The following MYO5B variants were observed in gnomAD, a reference collection of about 807,000 sequenced individuals.
MYO5B encodes the protein unconventional myosin-Vb.
Under a neutral mutation model 229.3 loss-of-function variants are expected in MYO5B, and 143 were observed. The ratio of observed to expected loss-of-function variants is 0.62; its 90% CI spans 0.54 to 0.72. MYO5B has a LOEUF of 0.72. Among genes scored for constraint, MYO5B ranks in the 30% least tolerant of loss-of-function variants. MYO5B has a pLI of 0.00. For missense variants in MYO5B, 2,321 were observed against 2,331.0 expected, an observed-to-expected ratio of 1.00 and a Z score of 0.09; for synonymous variants, 918 against 885.2, an observed-to-expected ratio of 1.04 and a Z score of -0.66.
intron 11 of MYO5B, among the ~76,000 whole-genome samples, 159 bp downstream of exon 11, chr18:49,962,790 A>G: frequency 6.6e-6 from 1 of 152,166 alleles, no homozygotes; most frequent in East Asian, 1.9e-4. Flanking sequence ...TGAGCAGTGG[A>G]GAGCCCCTTC....
intron 4 of MYO5B, among the ~76,000 whole-genome samples, chr18:50,023,892 G>A (rs941273865): frequency 3.3e-5 from 5 of 152,114 alleles, no homozygotes; most frequent in African/African-American, 1.2e-4. Flanking sequence ...CCTGTCCTAT[G>A]CTGTTTGACC....
intron 13 of MYO5B, 91 bp downstream of exon 13, chr18:49,954,222 A>G: frequency 1.3e-6 from 2 of 1,573,326 alleles, no homozygotes; most frequent in Non-Finnish European, 1.7e-6. Context: ...TTGAATTCAG[A>G]AGGGACAGAT....
intron 1 of MYO5B, among the ~76,000 whole-genome samples, chr18:50,133,872 G>C (rs1053072816): frequency 2.6e-5 from 4 of 152,138 alleles, no homozygotes; most frequent in Admixed American, 1.3e-4. Flanking sequence ...GGTGGGGGGA[G>C]TTATTTAAAC....
At chr18:50,028,965 A>C (rs1043405609) in intron 4 of MYO5B, among the ~76,000 whole-genome samples, 27 of 152,240 alleles carry the variant, frequency 1.8e-4, no homozygotes, top group African/African-American at 6.0e-4. Context: ...CAGGCAAAGG[A>C]AACTGCCTCT....
rs559769069 is a variant in MYO5B, at chr18:50,057,734, C to T, written c.28-2356G>A. ...TGTCCCATACCCACAAAACCTATCA[C>T]AACATAAGGGGCACAGTGGGACCCC... On this transcript the variant is annotated intron_variant, in intron 1 of 39. Coordinates refer to ENST00000285039, the MANE Select transcript of MYO5B (RefSeq NM_001080467.3). 4.6e-5 allele frequency among the ~76,000 whole-genome samples: 7 copies of T among 152,330 alleles called. No homozygotes were observed. In the East Asian group the frequency reaches 1.2e-3, roughly 25 times the overall value.
chr18:49,982,613 G>A (rs1370886394), intron 8 of MYO5B, among the ~76,000 whole-genome samples: 1 of 152,136 alleles, frequency 6.6e-6, no homozygotes, highest in Non-Finnish European at 1.5e-5. Flanking sequence ...ACAGGGGTTG[G>A]CAAACTATGG....
intron 12 of MYO5B, among the ~76,000 whole-genome samples, chr18:49,958,232 A>G (rs1375787708): frequency 6.6e-6 from 1 of 152,190 alleles, no homozygotes; most frequent in Non-Finnish European, 1.5e-5. Context: ...CACTCGGAGA[A>G]TCACTTCTAT....
intron 1 of MYO5B, among the ~76,000 whole-genome samples, chr18:50,091,701 G>A (rs567366478): frequency 6.6e-6 from 1 of 152,242 alleles, no homozygotes; most frequent in East Asian, 1.9e-4. Flanking sequence ...TGAGCCACCT[G>A]ACACCACCAC....
chr18:49,868,100 A>AATAT (rs72484394), intron 27 of MYO5B, among the ~76,000 whole-genome samples: 5 of 10,950 alleles, frequency 4.6e-4, no homozygotes, highest in African/African-American at 1.3e-3. Context: ...AAAAAAGCAG[A>AATAT]AAAATTATAT....
intron 34 of MYO5B, 65 bp from the exon 35 acceptor site, chr18:49,841,519 A>C: frequency 1.4e-6 from 2 of 1,401,092 alleles, no homozygotes; most frequent in Admixed American, 3.4e-5. Context: ...CTTCCTCGGT[A>C]CCTCTTTCCC....
intron 9 of MYO5B, among the ~76,000 whole-genome samples, chr18:49,977,451 C>T (rs1427606363): frequency 6.6e-6 from 1 of 152,092 alleles, no homozygotes; most frequent in Non-Finnish European, 1.5e-5. Flanking sequence ...ATAGAAGCTC[C>T]ATCCTATGTG....
chr18:50,122,861 C>A (rs2144534300), intron 1 of MYO5B, among the ~76,000 whole-genome samples: 1 of 151,900 alleles, frequency 6.6e-6, no homozygotes, highest in East Asian at 1.9e-4. Flanking sequence ...CAGACATCGA[C>A]TGCTGATGTG....
rs752770082 is a variant in MYO5B at position 49,836,819 on chromosome 18, C to T, written c.5205G>A (p.Gln1735=). The T allele has an allele frequency of 2.5e-6, 4 of 1,614,070 alleles. No homozygotes were observed. The Admixed American group carries it at 5.0e-5, about 20-fold the overall frequency. ...CTGCTTGGATCAGAGGTTCCATGGT[C>T]TGAACTGCTCCACTCTGGTGAAGGT... is the stretch of plus-strand genomic sequence containing the variant. ...GRNLHQSGAV[Q]TMEPLIQAAQ... is the part of the protein sequence containing the mutation. Residue 1735 remains glutamine (Q), a synonymous_variant, in exon 38 of 40, where the codon CAG becomes CAA. Transcript: ENST00000285039.
chr18:49,948,099 G>A (rs1300001746), intron 14 of MYO5B, among the ~76,000 whole-genome samples: 1 of 152,096 alleles, frequency 6.6e-6, no homozygotes, highest in Non-Finnish European at 1.5e-5. Flanking sequence ...CTGACACATA[G>A]CTGTTACCTT....
intron 22 of MYO5B, among the ~76,000 whole-genome samples, chr18:49,887,850 T>A (rs993829193): frequency 9.2e-5 from 14 of 151,750 alleles, no homozygotes; most frequent in African/African-American, 3.1e-4. Context: ...CCGGCTAATT[T>A]TTTTTTTGTT....
intron 6 of MYO5B, among the ~76,000 whole-genome samples, chr18:49,991,831 A>T (rs1031081495): frequency 2.2e-5 from 3 of 138,952 alleles, no homozygotes; most frequent in South Asian, 2.2e-4. Flanking sequence ...AATTTTTTTT[A>T]AAAAATGGGA....
At chr18:49,836,419 A>T (rs2023987445) in intron 38 of MYO5B, among the ~76,000 whole-genome samples, 1 of 152,216 alleles carries the variant, frequency 6.6e-6, no homozygotes, top group South Asian at 2.1e-4. Flanking sequence ...ATATTTAAAG[A>T]AGTTTTTACC....
Position 49,962,252 on chromosome 18 carries a change from A to C in MYO5B, c.1545+14T>G, listed in dbSNP as rs1488368096. On this transcript the variant is annotated intron_variant, in intron 12 of 39. Transcript: ENST00000285039. ...CTACCCTAGAATTGAACTAATTTGC[A>C]TCATCAGTTTTACCTTACATTCTTC... The C allele has an allele frequency of 1.2e-6, 2 of 1,614,116 alleles. No homozygotes were observed. Among genetic ancestry groups the C allele is most frequent in the East Asian group, 2.2e-5 (1 of 44,880 alleles).
At chr18:49,919,583 C>G (rs1295653705) in intron 17 of MYO5B, among the ~76,000 whole-genome samples, 1 of 152,160 alleles carries the variant, frequency 6.6e-6, no homozygotes, top group East Asian at 1.9e-4. Context: ...TGCTCAACAT[C>G]ATTAGTCATC....
Sources: allele counts gnomAD v4.1 joint callset (sites outside exome capture counted in the v4.1 genomes callset), GRCh38; gene constraint gnomAD v4.1.1; transcripts MANE v1.5; gene names NCBI Gene and HGNC (gene_info 2026-07-23, HGNC 2026-07-21).